The following ZRANB3 variants were observed in gnomAD, a reference collection of about 807,000 sequenced individuals.
The protein encoded by ZRANB3 is DNA annealing helicase and endonuclease ZRANB3.
ZRANB3 carries 125 observed loss-of-function variants against 133.8 expected under a neutral mutation model. The ratio of observed to expected loss-of-function variants is 0.93; its 90% confidence interval spans 0.81 to 1.08. The LOEUF (loss-of-function observed/expected upper bound fraction) is 1.08. Among genes scored for constraint, ZRANB3 ranks in the 50% least tolerant of loss-of-function variants. The pLI is 0.00. For synonymous variants in ZRANB3, 387 were observed against 432.7 expected (o/e 0.89, Z 1.31); for missense variants, 1,229 against 1,275.5 (o/e 0.96, Z 0.56).
intron 2 of ZRANB3, among the ~76,000 whole-genome samples, chr2:135,459,813 G>C (rs1421202073): frequency 6.6e-6 from 1 of 151,680 alleles, no homozygotes; most frequent in Non-Finnish European, 1.5e-5. Flanking sequence ...AGGAATCTTT[G>C]GGTTGATATA....
intron 8 of ZRANB3, among the ~76,000 whole-genome samples, chr2:135,298,350 T>C (rs1056850250): frequency 6.6e-6 from 1 of 152,354 alleles, no homozygotes; most frequent in South Asian, 2.1e-4. Context: ...TTTTGATCCA[T>C]TGCTGGTGAG....
At chr2:135,284,617 G>A (rs1159658061) in intron 8 of ZRANB3, among the ~76,000 whole-genome samples, 4 of 151,730 alleles carry the variant, frequency 2.6e-5, no homozygotes, top group Non-Finnish European at 4.4e-5. Flanking sequence ...GACTACAGGC[G>A]CCTGTCACCA....
In ZRANB3 at chr2:135,438,755, T is replaced by A. The variant is rs1215103842; in HGVS notation, c.162-47935A>T. On this transcript the variant is annotated intron_variant, in intron 2 of 20. Transcript: ENST00000264159. ...TTCTGTGGAAAGAGAAAATCATAAGTCCATGTTCTTAAATCTCAATCTGAC... is the reference window on the plus strand; with the variant it reads ...TTCTGTGGAAAGAGAAAATCATAAGACCATGTTCTTAAATCTCAATCTGAC... Among the ~76,000 whole-genome samples the A allele has an allele frequency of 2.6e-5, 4 of 152,242 alleles. No homozygotes were observed. In the East Asian group the frequency reaches 7.7e-4, roughly 29 times the overall value.
At chr2:135,231,949 A>G (rs1187222036) in intron 12 of ZRANB3, among the ~76,000 whole-genome samples, 2 of 152,178 alleles carry the variant, frequency 1.3e-5, no homozygotes, top group Non-Finnish European at 2.9e-5. Context: ...TGGGTGCAGG[A>G]CAGTGGGTGC....
At chr2:135,462,675 C>T (rs191029638) in intron 2 of ZRANB3, among the ~76,000 whole-genome samples, 24 of 151,908 alleles carry the variant, frequency 1.6e-4, no homozygotes, top group African/African-American at 5.8e-4. Context: ...TCACTGCAAC[C>T]TCTGCCTCCC....
chr2:135,237,425 G>T (rs1366991075), intron 12 of ZRANB3, among the ~76,000 whole-genome samples: 2 of 152,066 alleles, frequency 1.3e-5, no homozygotes, highest in Admixed American at 6.5e-5. Flanking sequence ...ATTTGACCCA[G>T]CCATCCCATT....
chr2:135,292,032 T>G lies in ZRANB3; in HGVS notation c.967-16277A>C, dbSNP rs111585509. On this transcript the variant is annotated intron_variant, in intron 8 of 20. Transcript: ENST00000264159. The stretch of plus-strand genomic sequence containing the variant: ...TGGGTTGGTTCCAAGTCTTTGCTAT[T>G]GTGAATAGTGCCGAAATAAATGTAC... Among the ~76,000 whole-genome samples, 453 of 152,336 alleles carry G rather than the reference T, an allele frequency of 3.0e-3. 3 individuals are homozygous for G. The highest frequency in any genetic ancestry group is 0.01 in the African/African-American group (422 of 41,572).
intron 1 of ZRANB3, among the ~76,000 whole-genome samples, chr2:135,516,911 A>G (rs1021166553): frequency 1.3e-5 from 2 of 152,140 alleles, no homozygotes; most frequent in African/African-American, 2.4e-5. Flanking sequence ...AGGTACACCA[A>G]TCAAAAATAG....
At chr2:135,287,668 T>TC in intron 8 of ZRANB3, among the ~76,000 whole-genome samples, 1 of 145,316 alleles carries the variant, frequency 6.9e-6, no homozygotes, top group African/African-American at 2.7e-5. Flanking sequence ...TATATTTCTT[T>TC]CCTTTTTTTT....
intron 1 of ZRANB3, among the ~76,000 whole-genome samples, chr2:135,518,822 C>A (rs1393892384): frequency 4.8e-4 from 73 of 152,112 alleles, no homozygotes; most frequent in Admixed American, 4.8e-3. Flanking sequence ...ATACGCTTCC[C>A]CTACTGAGAA....
intron 8 of ZRANB3, among the ~76,000 whole-genome samples, chr2:135,295,254 G>A (rs1309060312): frequency 1.3e-5 from 2 of 152,070 alleles, no homozygotes; most frequent in African/African-American, 4.8e-5. Flanking sequence ...TATGAATCTG[G>A]GTGCTCCTGT....
intron 12 of ZRANB3, among the ~76,000 whole-genome samples, chr2:135,246,916 G>T (rs907178760): frequency 6.6e-6 from 1 of 152,100 alleles, no homozygotes; most frequent in African/African-American, 2.4e-5. Flanking sequence ...AAATCCCCTG[G>T]CTATGATGAT....
chr2:135,211,421 G>T (rs1165411786), intron 17 of ZRANB3, among the ~76,000 whole-genome samples: 1 of 152,048 alleles, frequency 6.6e-6, no homozygotes, highest in African/African-American at 2.4e-5. Context: ...CGCACCTGCA[G>T]TCCCAGCTAC....
intron 3 of ZRANB3, among the ~76,000 whole-genome samples, chr2:135,367,031 A>T (rs1685970992): frequency 6.6e-6 from 1 of 152,050 alleles, no homozygotes. Flanking sequence ...AAAAAATAAT[A>T]ATAATAATTT....
rs1400583334 is a variant in ZRANB3 at position 135,269,008 on chromosome 2, G to T, written c.1340C>A (p.Ala447Glu). Reference sequence around the variant, plus strand: ...CATAAGGGTGTCTAGGGTTCCATTTGCAATAAGGTAGTGAATATTCACAGA... The same window carrying T: ...CATAAGGGTGTCTAGGGTTCCATTTTCAATAAGGTAGTGAATATTCACAGA... ...CSSVNIHYLI[A>E]NGTLDTLMWG... The change falls in exon 11 of 21, where the codon GCA becomes GAA. Residue 447 changes from alanine to glutamate, a missense_variant. By Grantham distance (107) the Ala-to-Glu change is moderately radical (BLOSUM62 -1). Coordinates refer to ENST00000264159, the MANE Select transcript of ZRANB3 (RefSeq NM_032143.4). 2 of 1,609,810 alleles carry T rather than the reference G, an allele frequency of 1.2e-6. No individual in the cohort carries two copies. Among genetic ancestry groups the T allele is most frequent in the Admixed American group, 3.4e-5 (2 of 59,122 alleles).
chr2:135,500,749 A>G (rs1692900391), intron 2 of ZRANB3, among the ~76,000 whole-genome samples: 1 of 149,154 alleles, frequency 6.7e-6, no homozygotes, highest in Non-Finnish European at 1.5e-5. Flanking sequence ...TGTAAATTAC[A>G]TATCAGTAAA....
chr2:135,264,147 C>T (rs894095345), intron 12 of ZRANB3, among the ~76,000 whole-genome samples: 1 of 151,410 alleles, frequency 6.6e-6, no homozygotes, highest in African/African-American at 2.4e-5. Flanking sequence ...AAAATGCCAA[C>T]TAATAAATAT....
intron 1 of ZRANB3, among the ~76,000 whole-genome samples, chr2:135,526,240 C>T (rs1339922419): frequency 8.0e-5 from 12 of 150,608 alleles, no homozygotes; most frequent in Non-Finnish European, 1.6e-4. Flanking sequence ...CTCGGCTCAC[C>T]GCAACCTCCA....
At chr2:135,428,348 C>T (rs1247460342) in intron 2 of ZRANB3, among the ~76,000 whole-genome samples, 1 of 143,442 alleles carries the variant, frequency 7.0e-6, no homozygotes, top group Admixed American at 7.5e-5. Context: ...GAGGCTGAGG[C>T]AGGAGAATCA....
Sources: allele counts gnomAD v4.1 joint callset (sites outside exome capture counted in the v4.1 genomes callset), GRCh38; gene constraint gnomAD v4.1.1; transcripts MANE v1.5; gene names NCBI Gene and HGNC (gene_info 2026-07-23, HGNC 2026-07-21).